Variants in MEOX1 observed in about 807,000 individuals in gnomAD.
MEOX1 encodes mesenchyme homeobox 1.
Under a neutral mutation model 23.2 loss-of-function variants are expected in MEOX1, and 17 were observed. The observed-to-expected ratio is 0.73, with a 90% CI of 0.50 to 1.10. The LOEUF is 1.10. Among genes scored for constraint, MEOX1 ranks in the 50% least tolerant of loss-of-function variants. The pLI, the probability that MEOX1 is intolerant of heterozygous loss-of-function variation, is 0.00. For synonymous variants in MEOX1, 134 were observed against 135.1 expected (o/e 0.99, Z 0.06); for missense variants, 333 against 332.2 (o/e 1.00, Z -0.02).
intron 1 of MEOX1, among the ~76,000 whole-genome samples, chr17:43,646,214 A>G (rs1972809475): frequency 1.3e-5 from 2 of 152,188 alleles, no homozygotes; most frequent in South Asian, 4.1e-4. Context: ...ACCCCTCCGG[A>G]AGCGGGAGCG....
chr17:43,641,664 T>C lies in MEOX1; in HGVS notation c.*246A>G. 2.3e-6 allele frequency: 1 copy of C among 428,646 alleles called. No homozygotes were observed. Among genetic ancestry groups the C allele is most frequent in the Non-Finnish European group, 4.2e-6 (1 of 240,576 alleles). 26.6% of individuals were successfully genotyped at this position (428,646 alleles called of 1,614,324 possible). On this transcript the variant is annotated 3_prime_UTR_variant, in exon 3 of 3. Coordinates refer to ENST00000318579, the MANE Select transcript of MEOX1 (RefSeq NM_004527.4). ...TCCAGATTCATCCGGCCCGGTAGGA[T>C]CTCTGTCTGATTCCATGAGAGTGTG...
intron 1 of MEOX1, among the ~76,000 whole-genome samples, chr17:43,655,665 A>G (rs1973003685): frequency 6.8e-6 from 1 of 146,810 alleles, no homozygotes; most frequent in Admixed American, 6.8e-5. Context: ...CTTTCTAAAA[A>G]AAAAAAAAAA....
At chr17:43,645,734 G>A (rs1972796764) in intron 1 of MEOX1, among the ~76,000 whole-genome samples, 1 of 152,094 alleles carries the variant, frequency 6.6e-6, no homozygotes, top group African/African-American at 2.4e-5. Flanking sequence ...AGTGGGTGGC[G>A]AGGCAGGAAC....
chr17:43,657,040 T>TTCTTTCTTTTC (rs1555567843), intron 1 of MEOX1, among the ~76,000 whole-genome samples: 4 of 140,288 alleles, frequency 2.9e-5, no homozygotes, highest in African/African-American at 8.0e-5. Context: ...CTTTCTTTCT[T>TTCTTTCTTTTC]TCTTTCTTTC....
In MEOX1 at chr17:43,661,277, G is replaced by A. The variant is rs146429085; in HGVS notation, c.258C>T (p.Pro86=). 3.7e-4 allele frequency: 590 copies of A among 1,609,550 alleles called. No homozygotes were observed. The highest frequency in any genetic ancestry group is 4.7e-4 in the Non-Finnish European group (558 of 1,177,302). Residue 86 remains proline (P), a synonymous_variant, in exon 1 of 3, where the codon CCC becomes CCT. Coordinates refer to ENST00000318579, the MANE Select transcript of MEOX1 (RefSeq NM_004527.4). ...QEEHIFTEQH[P]AFPQSPNWHF... is the part of the protein sequence containing the mutation. ...GCCAGTTGGGGGACTGTGGGAAAGC[G>A]GGGTGCTGCTCAGTGAAGATGTGCT...
intron 1 of MEOX1, among the ~76,000 whole-genome samples, chr17:43,653,107 C>T (rs895622133): frequency 1.3e-4 from 19 of 149,236 alleles, no homozygotes; most frequent in Non-Finnish European, 2.2e-4. Context: ...GCTGGGATTA[C>T]AGGTGTGAGC....
chr17:43,652,028 G>A (rs917989824), intron 1 of MEOX1, among the ~76,000 whole-genome samples: 2 of 152,174 alleles, frequency 1.3e-5, no homozygotes, highest in South Asian at 2.1e-4. Context: ...GATGGTGGCC[G>A]AGGCCTGGGT....
At chr17:43,660,029 A>T (rs959398711) in intron 1 of MEOX1, among the ~76,000 whole-genome samples, 82 of 152,290 alleles carry the variant, frequency 5.4e-4, no homozygotes, top group African/African-American at 1.9e-3. Flanking sequence ...GGTTAGCCCC[A>T]TGGGAAGGTC....
chr17:43,652,217 G>C (rs888865938), intron 1 of MEOX1, among the ~76,000 whole-genome samples: 1 of 152,232 alleles, frequency 6.6e-6, no homozygotes, highest in Non-Finnish European at 1.5e-5. Context: ...ACATGGACTC[G>C]GGACAAGAGG....
chr17:43,660,077 C>A (rs569758909), intron 1 of MEOX1, among the ~76,000 whole-genome samples: 1 of 152,208 alleles, frequency 6.6e-6, no homozygotes, highest in African/African-American at 2.4e-5. Context: ...CCCCTGAGGG[C>A]GGCTGTCAGG....
At chr17:43,645,804 AC>A (rs1972798632) in intron 1 of MEOX1, among the ~76,000 whole-genome samples, 2 of 151,998 alleles carry the variant, frequency 1.3e-5, no homozygotes, top group East Asian at 1.9e-4. Flanking sequence ...CCCTCCCAGC[AC>A]CCCCCTCTAT....
At chr17:43,644,926 T>A (rs559674505) in intron 1 of MEOX1, among the ~76,000 whole-genome samples, 1 of 151,782 alleles carries the variant, frequency 6.6e-6, no homozygotes, top group African/African-American at 2.4e-5. Context: ...GAAAAAAAAA[T>A]TTAGGAAGGG....
In MEOX1 at chr17:43,659,420, T is replaced by A. The variant is rs191100582; in HGVS notation, c.469+1646A>T. On this transcript the variant is annotated intron_variant, in intron 1 of 2. Transcript: ENST00000318579. ...GCCATGAGGGCTGCTAGAGTTCCTA[T>A]CTCCCATTGAAGAAGGGGCTTCTTC... Among the ~76,000 whole-genome samples, 9 of 152,136 alleles carry A rather than the reference T, an allele frequency of 5.9e-5. No homozygotes were observed. The East Asian group carries it at 1.7e-3, about 29-fold the overall frequency.
rs777576407 is a variant in MEOX1, at chr17:43,643,602, C to A, written c.528G>T (p.Thr176=). The part of the protein sequence containing the change: ...EGSSKARKER[T]AFTKEQLREL... ...CTCGCAGCTGCTCCTTGGTGAAGGC[C>A]GTCCTCTCCTTGCGGGCTTTGCTGC... Residue 176 remains threonine, a synonymous_variant, in exon 2 of 3, where the codon ACG becomes ACT. Coordinates refer to ENST00000318579, the MANE Select transcript of MEOX1 (RefSeq NM_004527.4). The A allele has an allele frequency of 1.9e-6, 3 of 1,613,276 alleles. No homozygotes were observed. The highest frequency in any genetic ancestry group is 2.5e-6 in the Non-Finnish European group (3 of 1,179,890).
In MEOX1 at chr17:43,641,651, C is replaced by T. The variant is rs943167424; in HGVS notation, c.*259G>A. On this transcript the variant is annotated 3_prime_UTR_variant, in exon 3 of 3. Coordinates refer to ENST00000318579, the MANE Select transcript of MEOX1 (RefSeq NM_004527.4). Reference sequence around the variant, plus strand: ...CTCTGAAGCTGTTTCCAGATTCATCCGGCCCGGTAGGATCTCTGTCTGATT... The same window carrying T: ...CTCTGAAGCTGTTTCCAGATTCATCTGGCCCGGTAGGATCTCTGTCTGATT... 1.3e-5 allele frequency: 5 copies of T among 372,084 alleles called. No individual in the cohort carries two copies. Among genetic ancestry groups the T allele is most frequent in the East Asian group, 4.9e-5 (1 of 20,608 alleles). The allele number at this position is 372,084 out of a possible 1,614,324, so 23.0% of individuals were successfully genotyped here.
chr17:43,654,974 C>G (rs1311853573), intron 1 of MEOX1, among the ~76,000 whole-genome samples: 1 of 151,554 alleles, frequency 6.6e-6, no homozygotes, highest in Non-Finnish European at 1.5e-5. Context: ...ATGGCATGAA[C>G]CCGGGAGGCG....
chr17:43,648,529 C>G (rs1024612450), intron 1 of MEOX1, among the ~76,000 whole-genome samples: 1 of 151,960 alleles, frequency 6.6e-6, no homozygotes, highest in Non-Finnish European at 1.5e-5. Flanking sequence ...TGGTCTGTTC[C>G]CAGGATAGTA....
intron 1 of MEOX1, among the ~76,000 whole-genome samples, chr17:43,644,529 A>G (rs1378758733): frequency 6.6e-6 from 1 of 152,224 alleles, no homozygotes; most frequent in Non-Finnish European, 1.5e-5. Flanking sequence ...CAGAAAACGA[A>G]CACAGAGAAG....
At chr17:43,651,694 G>C (rs953294189) in intron 1 of MEOX1, among the ~76,000 whole-genome samples, 1 of 152,236 alleles carries the variant, frequency 6.6e-6, no homozygotes, top group African/African-American at 2.4e-5. Flanking sequence ...TGTGAGTCCT[G>C]TCTCTCAGGC....
Sources: gnomAD v4.1 joint callset for allele counts (sites outside exome capture counted in the v4.1 genomes callset) on GRCh38, gnomAD v4.1.1 for gene constraint, MANE v1.5 for transcripts, NCBI Gene and HGNC (gene_info 2026-07-23, HGNC 2026-07-21) for gene names.